Variants in CADM2 observed in about 807,000 individuals in gnomAD.
The protein encoded by CADM2 is immunoglobulin superfamily member 4D.
A neutral mutation model predicts 49.8 loss-of-function variants in CADM2; 12 were observed. The ratio of observed to expected loss-of-function variants is 0.24; its 90% confidence interval spans 0.15 to 0.39. The LOEUF is 0.39. Among genes scored for constraint, CADM2 ranks in the 10% least tolerant of loss-of-function variants. CADM2 has a pLI of 1.00. For missense variants in CADM2, 378 were observed against 492.3 expected, an observed-to-expected ratio of 0.77 and a Z score of 2.20; for synonymous variants, 214 against 175.4, an observed-to-expected ratio of 1.22 and a Z score of -1.74.
At position 85,231,404 on chromosome 3, in the gene CADM2, G is replaced by T. The variant is rs150875725; in HGVS notation, c.61+271736G>T. On this transcript the variant is annotated intron_variant, in intron 1 of 9. Transcript: ENST00000383699. ...AAAGAGCTCTGTGTAGTACATTTAA[G>T]ATTGGAGGTAATCAAGAAGAGAACA... Among the ~76,000 whole-genome samples the T allele has an allele frequency of 1.7e-4, 26 of 151,010 alleles. No homozygotes were observed. In the East Asian group the frequency reaches 4.7e-3, roughly 27 times the overall value.
At chr3:85,263,945 T>C (rs2043067278) in intron 1 of CADM2, among the ~76,000 whole-genome samples, 1 of 152,134 alleles carries the variant, frequency 6.6e-6, no homozygotes, top group Non-Finnish European at 1.5e-5. Flanking sequence ...GTATGTCTTA[T>C]TTCTCTTAGG....
At chr3:85,496,067 G>A (rs2039878402) in intron 1 of CADM2, among the ~76,000 whole-genome samples, 1 of 152,006 alleles carries the variant, frequency 6.6e-6, no homozygotes, top group Admixed American at 6.6e-5. Flanking sequence ...ATTTTATACT[G>A]GGTTCAGGGG....
intron 1 of CADM2, among the ~76,000 whole-genome samples, chr3:85,513,285 A>G (rs1055666644): frequency 2.6e-5 from 4 of 151,946 alleles, no homozygotes; most frequent in African/African-American, 9.7e-5. Flanking sequence ...TGGCTTTAGA[A>G]TTTTGTACTC....
At chr3:85,943,433 A>T (rs966793286) in intron 7 of CADM2, among the ~76,000 whole-genome samples, 4 of 146,340 alleles carry the variant, frequency 2.7e-5, no homozygotes, top group Admixed American at 2.1e-4. Flanking sequence ...TGAATGGTAA[A>T]GCCTAGGTTT....
At chr3:85,777,937 A>G (rs1016409215) in intron 2 of CADM2, among the ~76,000 whole-genome samples, 8 of 152,200 alleles carry the variant, frequency 5.3e-5, no homozygotes, top group Admixed American at 3.9e-4. Context: ...TAATATGCAT[A>G]GGTATACAAA....
chr3:85,221,262 A>T (rs2042038581), intron 1 of CADM2, among the ~76,000 whole-genome samples: 1 of 152,174 alleles, frequency 6.6e-6, no homozygotes, highest in South Asian at 2.1e-4. Flanking sequence ...TAATGTGGTT[A>T]TCTGTGTCCA....
intron 1 of CADM2, among the ~76,000 whole-genome samples, chr3:85,225,242 G>A (rs1447889887): frequency 3.9e-5 from 6 of 152,104 alleles, no homozygotes; most frequent in Non-Finnish European, 1.5e-5. Context: ...ATCATAGAAT[G>A]TTCTTCCGTT....
intron 1 of CADM2, among the ~76,000 whole-genome samples, chr3:85,368,351 C>T (rs1306443916): frequency 6.6e-6 from 1 of 151,952 alleles, no homozygotes; most frequent in East Asian, 1.9e-4. Context: ...CCATTATACA[C>T]GTAAATGATT....
At chr3:85,554,993 G>C (rs993358438) in intron 1 of CADM2, among the ~76,000 whole-genome samples, 2 of 151,308 alleles carry the variant, frequency 1.3e-5, no homozygotes, top group Admixed American at 1.3e-4. Context: ...TGGAATTACA[G>C]GTGTGAGCCA....
chr3:85,715,420 C>A (rs2067255562), intron 1 of CADM2, among the ~76,000 whole-genome samples: 1 of 152,186 alleles, frequency 6.6e-6, no homozygotes. Flanking sequence ...AGGGTAGTAA[C>A]TAATTAGAAC....
chr3:85,925,262 C>T (rs1336816288), intron 6 of CADM2, among the ~76,000 whole-genome samples: 4 of 152,004 alleles, frequency 2.6e-5, no homozygotes, highest in African/African-American at 9.7e-5. Flanking sequence ...ATACTATATT[C>T]CGATGGGTTG....
At chr3:85,366,301 C>A (rs1196529388) in intron 1 of CADM2, among the ~76,000 whole-genome samples, 2 of 152,092 alleles carry the variant, frequency 1.3e-5, no homozygotes, top group Non-Finnish European at 2.9e-5. Flanking sequence ...TCTGACTATG[C>A]AGAACAGATT....
chr3:86,012,928 T>C lies in CADM2; in HGVS notation c.970+51281T>C, dbSNP rs572096592. On this transcript the variant is annotated intron_variant, in intron 8 of 9. Coordinates refer to ENST00000383699, the MANE Select transcript of CADM2 (RefSeq NM_001167675.2). ...AGGCGGAGCTTGCAGTGAGCCGAGA[T>C]CGCGCCACTGCACTCCAGCCTGGGC... 6.3e-6 allele frequency: 4 copies of C among 634,202 alleles called. No individual in the cohort carries two copies. The Admixed American group carries it at 6.5e-5, about 10-fold the overall frequency. 39.3% of individuals were successfully genotyped at this position (634,202 alleles called of 1,614,324 possible). A position where few individuals can be genotyped will look rare whatever the true frequency, so the allele number is the denominator to read the frequency against.
intron 1 of CADM2, among the ~76,000 whole-genome samples, chr3:85,134,210 C>A (rs6793583): frequency 0.066 from 10,064 of 152,298 alleles, 1,117 homozygotes; most frequent in African/African-American, 0.23. Flanking sequence ...CCGCAAGCGC[C>A]GCGCGCAGCC....
intron 1 of CADM2, among the ~76,000 whole-genome samples, chr3:85,433,196 A>G (rs1293232715): frequency 1.3e-5 from 2 of 152,090 alleles, no homozygotes; most frequent in Admixed American, 6.6e-5. Flanking sequence ...AATATAGAAT[A>G]TGACATTAAA....
rs530415083 is a variant in CADM2 at position 85,239,246 on chromosome 3, C to T, written c.61+279578C>T. ...ACTAGCACATAAGTAAATTAGGGTG[C>T]TTCACACTTATATGCCGATGTCTTT... On this transcript the variant is annotated intron_variant, in intron 1 of 9. Transcript: ENST00000383699. 5.5e-4 allele frequency among the ~76,000 whole-genome samples: 84 copies of T among 151,922 alleles called. 4 individuals are homozygous for T. In the South Asian group the frequency reaches 0.016, roughly 29 times the overall value.
chr3:86,045,806 A>G (rs186043714), intron 8 of CADM2, among the ~76,000 whole-genome samples: 120 of 152,288 alleles, frequency 7.9e-4, no homozygotes, highest in African/African-American at 2.8e-3. Flanking sequence ...CCCTTTATAT[A>G]GGCTAGTCTA....
intron 2 of CADM2, among the ~76,000 whole-genome samples, chr3:85,760,510 G>T (rs890491169): frequency 2.6e-5 from 4 of 152,104 alleles, no homozygotes; most frequent in African/African-American, 9.7e-5. Context: ...TCATCGACAT[G>T]AACTTTAGCA....
intron 2 of CADM2, among the ~76,000 whole-genome samples, chr3:85,777,523 G>A (rs115420730): frequency 1.6e-3 from 240 of 152,188 alleles, no homozygotes; most frequent in Middle Eastern, 6.8e-3. Flanking sequence ...CCAAAGTGCT[G>A]GGATTAAAGC....
Sources: gnomAD v4.1 joint callset for allele counts (sites outside exome capture counted in the v4.1 genomes callset) on GRCh38, gnomAD v4.1.1 for gene constraint, MANE v1.5 for transcripts, NCBI Gene and HGNC (gene_info 2026-07-23, HGNC 2026-07-21) for gene names.